Variants in ZDHHC3 observed in about 807,000 individuals in gnomAD.
ZDHHC3 encodes palmitoyltransferase ZDHHC3.
Under a neutral mutation model 30.6 loss-of-function variants are expected in ZDHHC3, and 9 were observed. The ratio of observed to expected loss-of-function variants is 0.29; its 90% CI spans 0.18 to 0.51. The LOEUF (loss-of-function observed/expected upper bound fraction) is 0.51. Ranked by LOEUF, ZDHHC3 falls within the 20% of genes least tolerant of loss-of-function variation. The pLI is 0.97. For missense variants in ZDHHC3, 246 were observed against 384.2 expected (o/e 0.64, Z 3.01); for synonymous variants, 136 against 140.2 (o/e 0.97, Z 0.21).
chr3:44,931,996 C>T (rs1365248850), intron 5 of ZDHHC3, among the ~76,000 whole-genome samples: 2 of 152,200 alleles, frequency 1.3e-5, no homozygotes, highest in Non-Finnish European at 2.9e-5. Flanking sequence ...ACAACAGGGA[C>T]ATTTTGCCTC....
intron 1 of ZDHHC3, among the ~76,000 whole-genome samples, chr3:44,963,151 T>A (rs1704626518): frequency 6.6e-6 from 1 of 152,166 alleles, no homozygotes; most frequent in Admixed American, 6.5e-5. Flanking sequence ...GACCATGAGG[T>A]AAGTGGACTG....
In ZDHHC3 at chr3:44,921,314, T is replaced by G. The variant is rs566162817; in HGVS notation, c.*5375A>C. 1 of 985,264 alleles carries G rather than the reference T, an allele frequency of 1.0e-6. No individual in the cohort carries two copies. The highest frequency in any genetic ancestry group is 1.2e-6 in the Non-Finnish European group (1 of 829,930). 61.0% of individuals were successfully genotyped at this position (985,264 alleles called of 1,614,324 possible). A position where few individuals can be genotyped will look rare whatever the true frequency, so the allele number is the denominator to read the frequency against. The stretch of plus-strand genomic sequence containing the variant: ...TCCCTGCTCCCTGTATCATCAGATG[T>G]AGAAAGCCAGAGCCTCAGGGAGCAG... On this transcript the variant is annotated 3_prime_UTR_variant, in exon 7 of 7. Coordinates refer to ENST00000424952, the MANE Select transcript of ZDHHC3 (RefSeq NM_001135179.2).
At chr3:44,937,777 G>C (rs996939657) in intron 3 of ZDHHC3, 4 of 352,450 alleles carry the variant, frequency 1.1e-5, no homozygotes, top group Non-Finnish European at 2.3e-5. Flanking sequence ...TGCACCCGCC[G>C]CATGGGTCTG....
In ZDHHC3 at chr3:44,917,506, G is replaced by A. The variant is rs907768187; in HGVS notation, c.*9183C>T. On this transcript the variant is annotated 3_prime_UTR_variant, in exon 7 of 7. Transcript: ENST00000424952. ...GGAGCCAGGGGCCCAGCCTTCCCAA[G>A]AGAAGACAGAAATCCTGGGGAAAGC... 1 of 210,220 alleles carries A rather than the reference G, an allele frequency of 4.8e-6. No individual in the cohort carries two copies. The highest frequency in any genetic ancestry group is 2.3e-5 in the African/African-American group (1 of 43,448). The allele number at this position is 210,220 out of a possible 1,614,324, so 13.0% of individuals were successfully genotyped here. A position where few individuals can be genotyped will look rare whatever the true frequency, so the allele number is the denominator to read the frequency against.
Position 44,922,424 on chromosome 3 carries a change from T to A in ZDHHC3, c.*4265A>T. ...CACTGATGAGATGCACAAGGAGTGG[T>A]GGGCAGGCTAATAATTTGGATCTGC... On this transcript the variant is annotated 3_prime_UTR_variant, in exon 7 of 7. Transcript: ENST00000424952. The A allele has an allele frequency of 2.0e-6, 2 of 985,366 alleles. No individual in the cohort carries two copies. Among genetic ancestry groups the A allele is most frequent in the Non-Finnish European group, 2.4e-6 (2 of 829,908 alleles). 61.0% of individuals were successfully genotyped at this position (985,366 alleles called of 1,614,324 possible).
intron 6 of ZDHHC3, among the ~76,000 whole-genome samples, chr3:44,928,680 C>T (rs777292074): frequency 6.6e-6 from 1 of 152,192 alleles, no homozygotes; most frequent in Non-Finnish European, 1.5e-5. Flanking sequence ...GGAGTAGGCC[C>T]CAGTCTGGCA....
At chr3:44,951,749 G>A (rs1421747570) in intron 2 of ZDHHC3, among the ~76,000 whole-genome samples, 3 of 152,126 alleles carry the variant, frequency 2.0e-5, no homozygotes, top group Non-Finnish European at 4.4e-5. Context: ...TCATGCACCT[G>A]TCCCCTCCAT....
intron 5 of ZDHHC3, among the ~76,000 whole-genome samples, chr3:44,930,642 G>A (rs74545906): frequency 0.023 from 3,472 of 152,356 alleles, 102 homozygotes; most frequent in African/African-American, 0.077. Context: ...GAGGTCAAAT[G>A]TGGGAATGAG....
intron 1 of ZDHHC3, among the ~76,000 whole-genome samples, chr3:44,971,681 T>C (rs1003386266): frequency 6.6e-6 from 1 of 152,176 alleles, no homozygotes; most frequent in Admixed American, 6.5e-5. Context: ...TAATGAGACA[T>C]AGGAAACATG....
chr3:44,937,096 T>G (rs1033057739), intron 3 of ZDHHC3, among the ~76,000 whole-genome samples: 1 of 152,140 alleles, frequency 6.6e-6, no homozygotes, highest in Admixed American at 6.5e-5. Context: ...CAAAACAGGT[T>G]GAAATGCTAT....
chr3:44,917,006 TC>T lies in ZDHHC3; in HGVS notation c.*9682del, dbSNP rs1700219855. 1 of 152,142 alleles carries T rather than the reference TC, an allele frequency of 6.6e-6. No homozygotes were observed. The highest frequency in any genetic ancestry group is 1.5e-5 in the Non-Finnish European group (1 of 68,016). The allele number at this position is 152,142 out of a possible 1,614,324, so 9.4% of individuals were successfully genotyped here. A position where few individuals can be genotyped will look rare whatever the true frequency, so the allele number is the denominator to read the frequency against. Reference sequence around the variant, plus strand: ...GTTCTACCTACATGTGTTATTAGACTCCCTCCAAGAGGTAACATTCAATTAA... The same window carrying T: ...GTTCTACCTACATGTGTTATTAGACTCCTCCAAGAGGTAACATTCAATTAA... On this transcript the variant is annotated 3_prime_UTR_variant, in exon 7 of 7. Coordinates refer to ENST00000424952, the MANE Select transcript of ZDHHC3 (RefSeq NM_001135179.2).
chr3:44,963,733 C>T (rs1015931528), intron 1 of ZDHHC3, among the ~76,000 whole-genome samples: 1 of 152,118 alleles, frequency 6.6e-6, no homozygotes, highest in Non-Finnish European at 1.5e-5. Context: ...GACAGGGCCC[C>T]GAAGATGGGC....
intron 1 of ZDHHC3, among the ~76,000 whole-genome samples, chr3:44,967,791 T>A (rs1404951430): frequency 6.6e-6 from 1 of 152,232 alleles, no homozygotes; most frequent in Admixed American, 6.5e-5. Flanking sequence ...TTTAGTCAAA[T>A]TTTCCTGTTT....
intron 3 of ZDHHC3, among the ~76,000 whole-genome samples, chr3:44,936,847 T>G (rs1047819561): frequency 2.6e-5 from 4 of 151,338 alleles, no homozygotes; most frequent in Admixed American, 6.6e-5. Flanking sequence ...CCTTCACATG[T>G]ACCCCCGAAC....
Position 44,922,832 on chromosome 3 carries a change from C to G in ZDHHC3, c.*3857G>C, listed in dbSNP as rs1481311964. 50 of 985,182 alleles carry G rather than the reference C, an allele frequency of 5.1e-5. No homozygotes were observed. Among genetic ancestry groups the G allele is most frequent in the Non-Finnish European group, 5.9e-5 (49 of 829,916 alleles). The allele number at this position is 985,182 out of a possible 1,614,324, so 61.0% of individuals were successfully genotyped here. A position where few individuals can be genotyped will look rare whatever the true frequency, so the allele number is the denominator to read the frequency against. On this transcript the variant is annotated 3_prime_UTR_variant, in exon 7 of 7. Coordinates refer to ENST00000424952, the MANE Select transcript of ZDHHC3 (RefSeq NM_001135179.2). ...ATGTTGACGTTGCTGGTCTGGCAACCTCAAGAACACCTTTGAGGAGGATTC... is the reference window on the plus strand; with the variant it reads ...ATGTTGACGTTGCTGGTCTGGCAACGTCAAGAACACCTTTGAGGAGGATTC...
At chr3:44,940,663 A>G (rs935046731) in intron 3 of ZDHHC3, among the ~76,000 whole-genome samples, 2 of 152,174 alleles carry the variant, frequency 1.3e-5, no homozygotes, top group South Asian at 4.1e-4. Context: ...TCGTCACTGT[A>G]GAAGAAGGCA....
chr3:44,950,728 T>C (rs1422272033), intron 2 of ZDHHC3, among the ~76,000 whole-genome samples: 1 of 152,236 alleles, frequency 6.6e-6, no homozygotes, highest in East Asian at 1.9e-4. Context: ...TTAAAATGCA[T>C]ATTATGCTCT....
chr3:44,962,375 T>C (rs1264732870), intron 1 of ZDHHC3, among the ~76,000 whole-genome samples: 5 of 152,272 alleles, frequency 3.3e-5, no homozygotes, highest in Admixed American at 3.3e-4. Context: ...CATGGTTTTG[T>C]TGAGGAATAA....
intron 2 of ZDHHC3, among the ~76,000 whole-genome samples, chr3:44,953,781 TG>T (rs1703680535): frequency 6.6e-6 from 1 of 151,992 alleles, no homozygotes; most frequent in African/African-American, 2.4e-5. Flanking sequence ...GGGGCAGGGG[TG>T]AGAAGTTGCC....
Sources: gnomAD v4.1 joint callset for allele counts (sites outside exome capture counted in the v4.1 genomes callset) on GRCh38, gnomAD v4.1.1 for gene constraint, MANE v1.5 for transcripts, NCBI Gene and HGNC (gene_info 2026-07-23, HGNC 2026-07-21) for gene names.